Variants in APC observed in about 807,000 individuals in gnomAD.
The protein encoded by APC is adenomatous polyposis coli protein.
Under a neutral mutation model 247.0 loss-of-function variants are expected in APC, and 72 were observed. That is an observed-to-expected ratio of 0.29 (90% CI 0.24 to 0.35). APC has a LOEUF of 0.35. Among genes scored for constraint, APC ranks in the 10% least tolerant of loss-of-function variants. The probability of loss-of-function intolerance (pLI) is 1.00; values close to 1 mark genes in which losing one functional copy is unlikely to be tolerated. For missense variants in APC, 3,400 were observed against 3,360.7 expected (o/e 1.01, Z -0.29); for synonymous variants, 1,254 against 1,162.5 (o/e 1.08, Z -1.60).
chr5:112,722,599 G>T (rs972571669), intron 1 of APC, among the ~76,000 whole-genome samples: 4 of 151,986 alleles, frequency 2.6e-5, no homozygotes, highest in Admixed American at 1.3e-4. Context: ...TGGAACTTCT[G>T]ATTGGCTTCA....
rs116193693 is a variant in APC, at chr5:112,812,106, G to C, written c.835-3389G>C. On this transcript the variant is annotated intron_variant, in intron 8 of 15. Coordinates refer to ENST00000257430, the MANE Select transcript of APC (RefSeq NM_000038.6). Reference sequence around the variant, plus strand: ...TGCCCAAGATGGAAGACACGTCTTTGTAACCTTATCTTGAGAGTGCTTCTC... The same window carrying C: ...TGCCCAAGATGGAAGACACGTCTTTCTAACCTTATCTTGAGAGTGCTTCTC... Among the ~76,000 whole-genome samples, 798 of 152,242 alleles carry C rather than the reference G, an allele frequency of 5.2e-3. 4 individuals carry two copies. Among genetic ancestry groups the C allele is most frequent in the African/African-American group, 0.018 (751 of 41,518 alleles).
chr5:112,721,212 G>C (rs1055471508), intron 1 of APC, among the ~76,000 whole-genome samples: 1 of 152,046 alleles, frequency 6.6e-6, no homozygotes, highest in African/African-American at 2.4e-5. Flanking sequence ...TCAGGAGTTC[G>C]AGACCAGCCT....
rs1766970473 is a variant in APC at position 112,846,076 on chromosome 5, A to G, written c.*1950A>G. 4.3e-6 allele frequency: 1 copy of G among 232,208 alleles called. No homozygotes were observed. The highest frequency in any genetic ancestry group is 5.6e-5 in the Admixed American group (1 of 17,750). 14.4% of individuals were successfully genotyped at this position (232,208 alleles called of 1,614,324 possible). On this transcript the variant is annotated 3_prime_UTR_variant, in exon 16 of 16. Transcript: ENST00000257430. Reference sequence around the variant, plus strand: ...GACTTGAGCTAAGATATTTGACTCCAATGCCTGTACTGTGTCTACTGCACC... The same window carrying G: ...GACTTGAGCTAAGATATTTGACTCCGATGCCTGTACTGTGTCTACTGCACC...
At chr5:112,817,714 A>G (rs951012338) in intron 9 of APC, among the ~76,000 whole-genome samples, 3 of 152,206 alleles carry the variant, frequency 2.0e-5, no homozygotes, top group East Asian at 1.9e-4. Flanking sequence ...AATGCTAGCT[A>G]CTGTCCTATA....
chr5:112,714,396 A>G (rs900178255), intron 1 of APC, among the ~76,000 whole-genome samples: 4 of 152,272 alleles, frequency 2.6e-5, no homozygotes, highest in African/African-American at 9.6e-5. Flanking sequence ...AGATTGATCT[A>G]TATTCTTACA....
intron 1 of APC, among the ~76,000 whole-genome samples, chr5:112,725,155 T>C (rs1751701886): frequency 6.6e-6 from 1 of 151,988 alleles, no homozygotes; most frequent in African/African-American, 2.4e-5. Flanking sequence ...GTATTTTTAG[T>C]AGAGACAGAG....
chr5:112,775,104 C>T (rs1757472401), intron 4 of APC, among the ~76,000 whole-genome samples: 2 of 152,078 alleles, frequency 1.3e-5, no homozygotes, highest in Non-Finnish European at 2.9e-5. Flanking sequence ...GTTCAGATTC[C>T]AAACTAAGAA....
At chr5:112,771,116 C>A (rs1015904832) in intron 4 of APC, among the ~76,000 whole-genome samples, 9 of 151,980 alleles carry the variant, frequency 5.9e-5, no homozygotes, top group Admixed American at 2.0e-4. Context: ...CAGTAGTATG[C>A]CAGAATTAAT....
At chr5:112,777,192 G>C (rs1270188838) in intron 5 of APC, among the ~76,000 whole-genome samples, 1 of 151,900 alleles carries the variant, frequency 6.6e-6, no homozygotes, top group Non-Finnish European at 1.5e-5. Flanking sequence ...AGAAACATTG[G>C]ATTACCTGTG....
At chr5:112,737,814 C>T, upstream of APC, 2 of 984,600 alleles carry the variant, frequency 2.0e-6, no homozygotes, top group Non-Finnish European at 2.4e-6. Flanking sequence ...CCGTCGGGAG[C>T]CCGCCGATTG....
intron 1 of APC, among the ~76,000 whole-genome samples, chr5:112,720,780 G>GA (rs762964147): frequency 8.5e-5 from 13 of 152,168 alleles, no homozygotes; most frequent in Non-Finnish European, 1.9e-4. Context: ...TTATAGTTGT[G>GA]AATTTAAAGT....
intron 7 of APC, among the ~76,000 whole-genome samples, chr5:112,796,308 G>A (rs764562295): frequency 1.3e-5 from 2 of 152,154 alleles, no homozygotes; most frequent in Non-Finnish European, 2.9e-5. Context: ...GAGATCGGAG[G>A]GGGTGAGTAT....
rs373129776 is a variant in APC, at chr5:112,786,690, A to T, written c.646-5756A>T. ...TTTTTCAGTTAAAAACAGCACATGT[A>T]CCCTAAAACTTAAAGTATTAAAAAA... On this transcript the variant is annotated intron_variant, in intron 6 of 15. Transcript: ENST00000257430. 6.2e-4 allele frequency among the ~76,000 whole-genome samples: 95 copies of T among 152,272 alleles called. 1 individual carries two copies. Among genetic ancestry groups the T allele is most frequent in the African/African-American group, 2.2e-3 (91 of 41,544 alleles).
upstream of APC, chr5:112,737,857 C>G (rs1156854246): frequency 2.0e-6 from 2 of 985,706 alleles, no homozygotes; most frequent in Non-Finnish European, 2.4e-6. Flanking sequence ...CGACATGTGG[C>G]TGTATTGGTG....
rs2150005832 is a variant in APC, at chr5:112,844,057, C to T, written c.8463C>T (p.Asp2821=). 1 of 1,604,290 alleles carries T rather than the reference C, an allele frequency of 6.2e-7. No individual in the cohort carries two copies. The highest frequency in any genetic ancestry group is 1.3e-5 in the African/African-American group (1 of 74,222). ...NNTKKRDSKT[D]STESSGTQSP... The stretch of plus-strand genomic sequence containing the variant: ...CAAAGAAGCGAGATTCCAAAACTGA[C>T]AGCACAGAATCCAGTGGAACCCAAA... The change falls in exon 16 of 16, where the codon GAC becomes GAT. Residue 2821 remains aspartate (D), a synonymous_variant. Transcript: ENST00000257430.
chr5:112,779,877 C>T (rs1282587537), intron 5 of APC, among the ~76,000 whole-genome samples: 1 of 152,164 alleles, frequency 6.6e-6, no homozygotes, highest in Non-Finnish European at 1.5e-5. Context: ...CTACAACTGA[C>T]AACACAATTT....
intron 1 of APC, among the ~76,000 whole-genome samples, chr5:112,742,860 C>T (rs929478663): frequency 6.6e-6 from 1 of 152,124 alleles, no homozygotes; most frequent in African/African-American, 2.4e-5. Flanking sequence ...ATCATTACAT[C>T]GACCAGTGAA....
chr5:112,843,210 T>A lies in APC; in HGVS notation c.7616T>A (p.Leu2539His), dbSNP rs1554088529. The A allele has an allele frequency of 6.2e-7, 1 of 1,613,802 alleles. No homozygotes were observed. Among genetic ancestry groups the A allele is most frequent in the Non-Finnish European group, 8.5e-7 (1 of 1,179,728 alleles). The change falls in exon 16 of 16, where the codon CTT becomes CAT. Residue 2539 changes from leucine (L) to histidine (H), a missense_variant. Coordinates refer to ENST00000257430, the MANE Select transcript of APC (RefSeq NM_000038.6). This position sits in a 1 kb window ranked among gnomAD's most constrained non-coding sequence, Gnocchi z 4.8. Reference sequence around the variant, plus strand: ...TCTCATTCTGAAAGTCCTTCTAGACTTCCAATCAATAGGTCAGGAACCTGG... The same window carrying A: ...TCTCATTCTGAAAGTCCTTCTAGACATCCAATCAATAGGTCAGGAACCTGG... ...ARSHSESPSR[L>H]PINRSGTWKR... is the part of the protein sequence containing the mutation.
intron 2 of APC, among the ~76,000 whole-genome samples, chr5:112,760,314 T>C (rs866691818): frequency 6.6e-6 from 1 of 152,166 alleles, no homozygotes; most frequent in Non-Finnish European, 1.5e-5. Flanking sequence ...CCATGAGATA[T>C]TGGCCGAGTC....
Sources: gnomAD v4.1 joint callset for allele counts (sites outside exome capture counted in the v4.1 genomes callset) on GRCh38, gnomAD v4.1.1 for gene constraint, Gnocchi (gnomAD v3.1) non-coding constraint, MANE v1.5 for transcripts, NCBI Gene and HGNC (gene_info 2026-07-23, HGNC 2026-07-21) for gene names.